The following LRP1B variants were observed in gnomAD, a reference collection of about 807,000 sequenced individuals.
The protein encoded by LRP1B is LDL receptor related protein 1B, also known as low-density lipoprotein receptor-related protein 1B.
In LRP1B, 217 loss-of-function variants were observed where a neutral mutation model predicts 556.6. The ratio of observed to expected loss-of-function variants is 0.39; its 90% CI spans 0.35 to 0.44. The LOEUF (loss-of-function observed/expected upper bound fraction) is 0.44, where lower values mean the gene tolerates loss of function less well. Among genes scored for constraint, LRP1B ranks in the 20% least tolerant of loss-of-function variants. LRP1B has a pLI of 1.00. For synonymous variants in LRP1B, 2,047 were observed against 1,865.8 expected (o/e 1.10, Z -2.50); for missense variants, 5,053 against 5,620.8 (o/e 0.90, Z 3.23).
At chr2:141,331,673 T>C (rs1573817308) in intron 3 of LRP1B, among the ~76,000 whole-genome samples, 2 of 152,126 alleles carry the variant, frequency 1.3e-5, no homozygotes, top group African/African-American at 2.4e-5. Flanking sequence ...TTAATAGGAA[T>C]GTAAACAAAT....
intron 7 of LRP1B, among the ~76,000 whole-genome samples, chr2:141,091,492 T>C (rs929007631): frequency 2.0e-5 from 3 of 152,196 alleles, no homozygotes; most frequent in Admixed American, 6.5e-5. Flanking sequence ...ACGTGCACAG[T>C]GATTTTCTCC....
intron 41 of LRP1B, among the ~76,000 whole-genome samples, chr2:140,641,539 A>T (rs1684293080): frequency 6.6e-6 from 1 of 152,194 alleles, no homozygotes; most frequent in South Asian, 2.1e-4. Context: ...CTCTCTTGAG[A>T]CTATTTTAAG....
At chr2:141,294,150 C>A (rs1686088281) in intron 3 of LRP1B, among the ~76,000 whole-genome samples, 1 of 151,998 alleles carries the variant, frequency 6.6e-6, no homozygotes, top group Admixed American at 6.6e-5. Context: ...GTAGAGGTGA[C>A]AAAAATATCT....
rs1039774310 is a variant in LRP1B at position 141,234,685 on chromosome 2, T to G, written c.593-5245A>C. 2.6e-5 allele frequency among the ~76,000 whole-genome samples: 4 copies of G among 152,274 alleles called. 1 individual carries two copies. In the South Asian group the frequency reaches 8.3e-4, roughly 32 times the overall value. On this transcript the variant is annotated intron_variant, in intron 5 of 90. Coordinates refer to ENST00000389484, the MANE Select transcript of LRP1B (RefSeq NM_018557.3). The stretch of plus-strand genomic sequence containing the variant: ...AGCCACTGTACTCAGCCAAAAGGGC[T>G]AATTTTCTAAAAAACTTCTAAAATG...
At chr2:140,302,931 T>C (rs2105010979) in intron 83 of LRP1B, among the ~76,000 whole-genome samples, 1 of 150,464 alleles carries the variant, frequency 6.6e-6, no homozygotes, top group Non-Finnish European at 1.5e-5. Flanking sequence ...CCTTTGCTGG[T>C]CCTTGAGTGT....
chr2:140,316,667 T>C (rs1684531668), intron 82 of LRP1B, among the ~76,000 whole-genome samples: 1 of 152,160 alleles, frequency 6.6e-6, no homozygotes, highest in South Asian at 2.1e-4. Flanking sequence ...GTTACTTCAC[T>C]TTAAAATGTC....
At chr2:141,197,558 C>G (rs1681808559) in intron 6 of LRP1B, among the ~76,000 whole-genome samples, 1 of 152,000 alleles carries the variant, frequency 6.6e-6, no homozygotes, top group East Asian at 1.9e-4. Flanking sequence ...CTTGTTTCAT[C>G]TGCAGTGTTT....
At chr2:140,454,704 T>C (rs1257476962) in intron 62 of LRP1B, among the ~76,000 whole-genome samples, 1 of 152,092 alleles carries the variant, frequency 6.6e-6, no homozygotes, top group Non-Finnish European at 1.5e-5. Flanking sequence ...GTGAGTTAGG[T>C]TTTCATTTAT....
chr2:141,250,503 C>T (rs1445371121), intron 4 of LRP1B, among the ~76,000 whole-genome samples: 1 of 152,170 alleles, frequency 6.6e-6, no homozygotes, highest in African/African-American at 2.4e-5. Context: ...TCCCACCTTC[C>T]CGTTCCTTGC....
Position 140,770,897 on chromosome 2 carries a change from G to C in LRP1B, c.5610C>G (p.Asn1870Lys), listed in dbSNP as rs1689288168. The C allele has an allele frequency of 6.4e-7, 1 of 1,556,488 alleles. No individual in the cohort carries two copies. Among genetic ancestry groups the C allele is most frequent in the Non-Finnish European group, 8.6e-7 (1 of 1,158,554 alleles). Residue 1870 changes from asparagine to lysine, a missense_variant, in exon 34 of 91, where the codon AAC becomes AAG. Physicochemically the swap from Asn to Lys is moderately conservative, Grantham distance 94. Coordinates refer to ENST00000389484, the MANE Select transcript of LRP1B (RefSeq NM_018557.3). ...MCTVGYYLQKNRMSCQGIESF... is the reference protein window; with the variant it reads ...MCTVGYYLQKKRMSCQGIESF... ...AACTCATACCTTGACATGACATACGGTTCTTTTGGAGATAATATCCCACTG... is the reference window on the plus strand; with the variant it reads ...AACTCATACCTTGACATGACATACGCTTCTTTTGGAGATAATATCCCACTG...
intron 2 of LRP1B, among the ~76,000 whole-genome samples, chr2:141,676,111 G>A (rs1212015958): frequency 6.6e-6 from 1 of 151,904 alleles, no homozygotes; most frequent in African/African-American, 2.4e-5. Context: ...TGAATGGATT[G>A]TATTTTTAGT....
In LRP1B at chr2:140,442,451, G is replaced by C. The variant is rs1056186300; in HGVS notation, c.10414+53C>G. The stretch of plus-strand genomic sequence containing the variant: ...TCAAATTTGTTTAACTGTGGTTGTC[G>C]CAGATGATGACTCAAATACGGAGAG... On this transcript the variant is annotated intron_variant, in intron 66 of 90. Coordinates refer to ENST00000389484, the MANE Select transcript of LRP1B (RefSeq NM_018557.3). 11 of 1,567,766 alleles carry C rather than the reference G, an allele frequency of 7.0e-6. No homozygotes were observed. In the Admixed American group the frequency reaches 1.5e-4, roughly 22 times the overall value.
At chr2:141,707,943 C>T (rs1692206263) in intron 2 of LRP1B, among the ~76,000 whole-genome samples, 5 of 152,100 alleles carry the variant, frequency 3.3e-5, no homozygotes. Context: ...TAACGTTTGC[C>T]ACAGATTCTT....
At chr2:141,639,379 C>T (rs867580282) in intron 2 of LRP1B, among the ~76,000 whole-genome samples, 34 of 73,648 alleles carry the variant, frequency 4.6e-4, no homozygotes, top group East Asian at 1.1e-3. Flanking sequence ...TATATATACA[C>T]ATATATATAT....
At chr2:141,252,769 C>G (rs146440735) in intron 4 of LRP1B, among the ~76,000 whole-genome samples, 206 of 152,256 alleles carry the variant, frequency 1.4e-3, no homozygotes, top group African/African-American at 4.8e-3. Context: ...ACTTGCAATG[C>G]TGCCTTCTTT....
intron 32 of LRP1B, among the ~76,000 whole-genome samples, chr2:140,791,616 G>A (rs568828494): frequency 1.3e-5 from 2 of 152,226 alleles, no homozygotes; most frequent in East Asian, 1.9e-4. Flanking sequence ...CAAGTGCTAT[G>A]TCTATATTTT....
At chr2:141,602,846 A>C (rs1687796446) in intron 2 of LRP1B, among the ~76,000 whole-genome samples, 1 of 152,356 alleles carries the variant, frequency 6.6e-6, no homozygotes, top group Admixed American at 6.5e-5. Context: ...GAGGTTGGGC[A>C]GTCCTCATAA....
At chr2:142,125,648 A>G (rs1707615627) in intron 1 of LRP1B, among the ~76,000 whole-genome samples, 1 of 151,852 alleles carries the variant, frequency 6.6e-6, no homozygotes, top group African/African-American at 2.4e-5. Context: ...CAAGGCCTAT[A>G]GACTATACAA....
chr2:141,771,048 T>C (rs1694883329), intron 2 of LRP1B, among the ~76,000 whole-genome samples: 1 of 152,208 alleles, frequency 6.6e-6, no homozygotes, highest in Non-Finnish European at 1.5e-5. Flanking sequence ...TTTGTTTAAA[T>C]AATTCAATTG....
Sources: allele counts gnomAD v4.1 joint callset (sites outside exome capture counted in the v4.1 genomes callset), GRCh38; gene constraint gnomAD v4.1.1; transcripts MANE v1.5; gene names NCBI Gene and HGNC (gene_info 2026-07-23, HGNC 2026-07-21).